ETFRF1: variants seen among roughly 807,000 people sequenced by gnomAD.
ETFRF1 encodes LYR motif containing 5.
In ETFRF1, 12 loss-of-function variants were observed where a neutral mutation model predicts 9.0. The observed-to-expected ratio is 1.34, with a 90% CI of 0.86 to 2.16. ETFRF1 has a LOEUF of 2.16. Among genes scored for constraint, ETFRF1 ranks in the 30% most tolerant of loss-of-function variants. ETFRF1 has a pLI of 0.00. For synonymous variants in ETFRF1, 34 were observed against 33.2 expected (o/e 1.02, Z -0.08); for missense variants, 98 against 101.8 (o/e 0.96, Z 0.16).
chr12:25,201,063 T>G (rs1174808714), intron 1 of ETFRF1, among the ~76,000 whole-genome samples: 1 of 152,230 alleles, frequency 6.6e-6, no homozygotes, highest in Non-Finnish European at 1.5e-5. Context: ...TGCTCTCTTC[T>G]GTGCTGTGCT....
At chr12:25,198,926 C>T (rs932818759) in intron 1 of ETFRF1, among the ~76,000 whole-genome samples, 2 of 152,050 alleles carry the variant, frequency 1.3e-5, no homozygotes, top group African/African-American at 2.4e-5. Flanking sequence ...GTGTAGCCAT[C>T]GACTGAGGAC....
Position 25,204,439 on chromosome 12 carries a change from C to A in ETFRF1, c.*127C>A. ...AAAATCCCTGAGCTGCCCTACTGAA[C>A]TAAATAGGTTTCAACTTCTGTTCAT... On this transcript the variant is annotated 3_prime_UTR_variant, in exon 3 of 3. Transcript: ENST00000381356. The A allele has an allele frequency of 4.4e-6, 3 of 677,994 alleles. No homozygotes were observed. Among genetic ancestry groups the A allele is most frequent in the Non-Finnish European group, 6.7e-6 (3 of 450,866 alleles). The allele number at this position is 677,994 out of a possible 1,614,324, so 42.0% of individuals were successfully genotyped here.
intron 1 of ETFRF1, among the ~76,000 whole-genome samples, chr12:25,203,473 GTCCT>G (rs1279703131): frequency 1.3e-5 from 2 of 152,200 alleles, no homozygotes; most frequent in Non-Finnish European, 2.9e-5. Context: ...TCTGCTCAAT[GTCCT>G]TCAAGTGGCT....
chr12:25,204,143 G>A lies in ETFRF1; in HGVS notation c.104G>A (p.Arg35His), dbSNP rs377621299. The A allele has an allele frequency of 9.6e-5, 155 of 1,610,450 alleles. No individual in the cohort carries two copies. The highest frequency in any genetic ancestry group is 1.2e-4 in the Non-Finnish European group (146 of 1,178,130). The change falls in exon 3 of 3, where the codon CGT (arginine) becomes CAT (histidine). Residue 35 changes from arginine to histidine, a missense_variant. Arg to His is a conservative substitution (Grantham distance 29). Transcript: ENST00000381356. ...AAAGGAGCAGACTATTTTAAAAAGC[G>A]TTTGAAGAACATTTTCCTTAAAAAC... Reference protein sequence around the residue: ...YPKGADYFKKRLKNIFLKNKD... With the variant: ...YPKGADYFKKHLKNIFLKNKD...
At chr12:25,198,697 G>A (rs1365179425) in intron 1 of ETFRF1, among the ~76,000 whole-genome samples, 1 of 152,314 alleles carries the variant, frequency 6.6e-6, no homozygotes, top group Non-Finnish European at 1.5e-5. Context: ...ATGTGAATTA[G>A]CTCATTAACT....
chr12:25,203,099 C>A lies in ETFRF1; in HGVS notation c.-37-821C>A, dbSNP rs552578783. 4.3e-4 allele frequency among the ~76,000 whole-genome samples: 66 copies of A among 152,302 alleles called. No individual in the cohort carries two copies. The South Asian group carries it at 4.3e-3, about 10-fold the overall frequency. ...TTACAATGGACAATCTTAGCAAATA[C>A]ATTAATTGGGTAATCAAAGTTATCA... On this transcript the variant is annotated intron_variant, in intron 1 of 2. Transcript: ENST00000381356.
At chr12:25,197,332 A>G (rs1951038853) in intron 1 of ETFRF1, among the ~76,000 whole-genome samples, 1 of 152,242 alleles carries the variant, frequency 6.6e-6, no homozygotes, top group Non-Finnish European at 1.5e-5. Context: ...AGCTTTCACA[A>G]GTTACAAATT....
chr12:25,199,322 C>CT (rs1951055764), intron 1 of ETFRF1, among the ~76,000 whole-genome samples: 1 of 126,814 alleles, frequency 7.9e-6, no homozygotes, highest in African/African-American at 3.0e-5. Flanking sequence ...ACATATAGTA[C>CT]ATATAGTACA....
chr12:25,199,199 TATA>T (rs1219240043), intron 1 of ETFRF1, among the ~76,000 whole-genome samples: 1 of 149,380 alleles, frequency 6.7e-6, no homozygotes, highest in African/African-American at 2.4e-5. Context: ...CTACATATAG[TATA>T]ATATATAGTA....
chr12:25,198,432 C>T (rs545324188), intron 1 of ETFRF1, among the ~76,000 whole-genome samples: 2 of 152,134 alleles, frequency 1.3e-5, no homozygotes, highest in East Asian at 1.9e-4. Context: ...GCTTCACCCA[C>T]GTATACAGAT....
Position 25,204,441 on chromosome 12 carries a change from A to T in ETFRF1, c.*129A>T, listed in dbSNP as rs895332519. On this transcript the variant is annotated 3_prime_UTR_variant, in exon 3 of 3. Transcript: ENST00000381356. ...AATCCCTGAGCTGCCCTACTGAACT[A>T]AATAGGTTTCAACTTCTGTTCATAC... The T allele has an allele frequency of 1.5e-6, 1 of 663,996 alleles. No individual in the cohort carries two copies. The highest frequency in any genetic ancestry group is 2.3e-6 in the Non-Finnish European group (1 of 439,596). 41.1% of individuals were successfully genotyped at this position (663,996 alleles called of 1,614,324 possible). A position where few individuals can be genotyped will look rare whatever the true frequency, so the allele number is the denominator to read the frequency against.
chr12:25,198,822 C>T (rs1286663937), intron 1 of ETFRF1, among the ~76,000 whole-genome samples: 1 of 152,194 alleles, frequency 6.6e-6, no homozygotes, highest in Non-Finnish European at 1.5e-5. Context: ...CATGGCTTCA[C>T]TGCTATGCTG....
chr12:25,202,050 C>A (rs568579618), intron 1 of ETFRF1, among the ~76,000 whole-genome samples: 1 of 38,190 alleles, frequency 2.6e-5, no homozygotes, highest in African/African-American at 5.5e-5. Context: ...GAAACCCCGT[C>A]TCTACTGAAA....
chr12:25,203,165 A>T (rs563420933), intron 1 of ETFRF1, among the ~76,000 whole-genome samples: 1 of 152,348 alleles, frequency 6.6e-6, no homozygotes, highest in Non-Finnish European at 1.5e-5. Context: ...ACCTGATAGG[A>T]TGCAATGTTA....
chr12:25,204,459 G>A lies in ETFRF1; in HGVS notation c.*147G>A, dbSNP rs866442907. The A allele has an allele frequency of 2.0e-5, 11 of 537,674 alleles. No homozygotes were observed. In the South Asian group the frequency reaches 3.9e-4, roughly 19 times the overall value. The allele number at this position is 537,674 out of a possible 1,614,324, so 33.3% of individuals were successfully genotyped here. On this transcript the variant is annotated 3_prime_UTR_variant, in exon 3 of 3. Transcript: ENST00000381356. ...CTGAACTAAATAGGTTTCAACTTCTGTTCATACGGAGAAAGTATCAGCAAC... is the reference window on the plus strand; with the variant it reads ...CTGAACTAAATAGGTTTCAACTTCTATTCATACGGAGAAAGTATCAGCAAC...
At position 25,199,549 on chromosome 12, in the gene ETFRF1, A is replaced by G. The variant is rs554570242; in HGVS notation, c.-38+4212A>G. Among the ~76,000 whole-genome samples, 17 of 150,936 alleles carry G rather than the reference A, an allele frequency of 1.1e-4. No individual in the cohort carries two copies. In the East Asian group the frequency reaches 3.3e-3, roughly 29 times the overall value. On this transcript the variant is annotated intron_variant, in intron 1 of 2. Transcript: ENST00000381356. The stretch of plus-strand genomic sequence containing the variant: ...AAGAACAGGGCTAAGTGGTGGGAAA[A>G]CTACATACTATATACTATATAGTAT...
In ETFRF1 at chr12:25,198,899, G is replaced by C. The variant is rs1243940680; in HGVS notation, c.-38+3562G>C. Among the ~76,000 whole-genome samples, 3 of 152,192 alleles carry C rather than the reference G, an allele frequency of 2.0e-5. 1 individual carries two copies. The East Asian group carries it at 5.8e-4, about 29-fold the overall frequency. The stretch of plus-strand genomic sequence containing the variant: ...TATTCCAGGGTTCCTTCCCCAGAGA[G>C]GCATACCCCAAGTTCTGTGTAGCCA... On this transcript the variant is annotated intron_variant, in intron 1 of 2. Transcript: ENST00000381356.
intron 1 of ETFRF1, among the ~76,000 whole-genome samples, chr12:25,201,741 G>C (rs1663743370): frequency 6.6e-6 from 1 of 151,998 alleles, no homozygotes; most frequent in Non-Finnish European, 1.5e-5. Context: ...TAAAGGGGCA[G>C]GTGAGGTCAC....
chr12:25,203,731 G>A (rs959347450), intron 1 of ETFRF1, 189 bp from the exon 2 acceptor site: 12 of 369,252 alleles, frequency 3.2e-5, no homozygotes, highest in South Asian at 2.3e-4. Context: ...ATAGGAAAAC[G>A]TCAATTATGA....
Sources: allele counts gnomAD v4.1 joint callset (sites outside exome capture counted in the v4.1 genomes callset), GRCh38; gene constraint gnomAD v4.1.1; transcripts MANE v1.5; gene names NCBI Gene and HGNC (gene_info 2026-07-23, HGNC 2026-07-21).